SCUBE1: variants seen among roughly 807,000 people sequenced by gnomAD.
The protein encoded by SCUBE1 is signal peptide, CUB and EGF-like domain-containing protein 1.
Under a neutral mutation model 124.4 loss-of-function variants are expected in SCUBE1, and 59 were observed. The observed-to-expected ratio is 0.47, with a 90% confidence interval of 0.38 to 0.59. SCUBE1 has a LOEUF of 0.59. Among genes scored for constraint, SCUBE1 ranks in the 20% least tolerant of loss-of-function variants. SCUBE1 has a pLI of 0.00. For synonymous variants in SCUBE1, 545 were observed against 550.9 expected (o/e 0.99, Z 0.15); for missense variants, 1,150 against 1,371.2 (o/e 0.84, Z 2.55).
chr22:43,307,592 A>G (rs1279518652), intron 3 of SCUBE1, among the ~76,000 whole-genome samples: 1 of 152,196 alleles, frequency 6.6e-6, no homozygotes, highest in Admixed American at 6.5e-5. Context: ...GCTCTGACCC[A>G]GCAGCCCAGC....
chr22:43,287,445 A>G (rs559357130), intron 4 of SCUBE1, among the ~76,000 whole-genome samples: 1 of 152,334 alleles, frequency 6.6e-6, no homozygotes, highest in African/African-American at 2.4e-5. Flanking sequence ...GGAGAGCTGG[A>G]GCTGAGAACC....
rs1001482412 is a variant in SCUBE1, at chr22:43,253,434, G to A, written c.727+4785C>T. ...CTTTGCTTCGTGTTGGAGGAAACCA[G>A]AGGAGGAGAAGTCTCTTCTGTCTGG... On this transcript the variant is annotated intron_variant, in intron 6 of 21. Coordinates refer to ENST00000360835, the MANE Select transcript of SCUBE1 (RefSeq NM_173050.5). Among the ~76,000 whole-genome samples, 4 of 152,160 alleles carry A rather than the reference G, an allele frequency of 2.6e-5. No individual in the cohort carries two copies. The East Asian group carries it at 5.8e-4, about 22-fold the overall frequency.
At chr22:43,249,457 A>G (rs1235968299) in intron 6 of SCUBE1, among the ~76,000 whole-genome samples, 1 of 152,150 alleles carries the variant, frequency 6.6e-6, no homozygotes, top group Non-Finnish European at 1.5e-5. Context: ...TGTGGGACAC[A>G]GTGTGTGCCC....
intron 16 of SCUBE1, chr22:43,212,823 C>T (rs1466410637): frequency 3.6e-6 from 2 of 557,300 alleles, no homozygotes; most frequent in Admixed American, 3.5e-5. Context: ...AAGCCTGGCT[C>T]TCCTTCTCCC....
chr22:43,264,339 C>A (rs1285958933), intron 4 of SCUBE1, among the ~76,000 whole-genome samples: 1 of 152,202 alleles, frequency 6.6e-6, no homozygotes, highest in Non-Finnish European at 1.5e-5. Context: ...CAAATTAAAT[C>A]CAGTTACAGA....
chr22:43,206,811 G>A (rs1399543809), intron 21 of SCUBE1, among the ~76,000 whole-genome samples: 1 of 152,142 alleles, frequency 6.6e-6, no homozygotes, highest in Non-Finnish European at 1.5e-5. Context: ...GAGATTGCGG[G>A]GAGAGAGCCC....
At chr22:43,307,025 C>T (rs1328282871) in intron 3 of SCUBE1, among the ~76,000 whole-genome samples, 2 of 152,242 alleles carry the variant, frequency 1.3e-5, no homozygotes, top group South Asian at 2.1e-4. Flanking sequence ...CAACATTCTA[C>T]CCCGTTACCC....
intron 2 of SCUBE1, among the ~76,000 whole-genome samples, chr22:43,325,538 C>T (rs1309808929): frequency 3.4e-5 from 5 of 147,510 alleles, no homozygotes; most frequent in Non-Finnish European, 6.0e-5. Context: ...TATTACTTTT[C>T]TTTCCAAGAT....
intron 10 of SCUBE1, among the ~76,000 whole-genome samples, chr22:43,226,970 C>T (rs1052189926): frequency 6.6e-6 from 1 of 152,150 alleles, no homozygotes; most frequent in Non-Finnish European, 1.5e-5. Context: ...TCCTCCTCCC[C>T]CTCAGCCTCC....
At chr22:43,251,926 A>G (rs1923465843) in intron 6 of SCUBE1, among the ~76,000 whole-genome samples, 1 of 152,174 alleles carries the variant, frequency 6.6e-6, no homozygotes, top group Admixed American at 6.5e-5. Flanking sequence ...CAGCCTTGCC[A>G]CAAGCAGGGT....
Position 43,218,264 on chromosome 22 carries a change from T to C in SCUBE1, c.1882A>G (p.Ser628Gly), listed in dbSNP as rs376330838. Residue 628 changes from serine (S) to glycine (G), a missense_variant, in exon 15 of 22, where the codon AGC becomes GGC. By Grantham distance (56) the Ser-to-Gly change is moderately conservative (BLOSUM62 0). This residue lies in a region of SCUBE1 where 757 missense variants were observed against 840.9 expected (regional missense o/e 0.90). Coordinates refer to ENST00000360835, the MANE Select transcript of SCUBE1 (RefSeq NM_173050.5). ...ACGAGQVLQDSKCVACGPGTH... is the reference protein window; with the variant it reads ...ACGAGQVLQDGKCVACGPGTH... ...ATGGGCAAGGACTCACCGCATTTGCTGTCCTGTAGCACCTGGCCTGCGCCA... is the reference window on the plus strand; with the variant it reads ...ATGGGCAAGGACTCACCGCATTTGCCGTCCTGTAGCACCTGGCCTGCGCCA... The C allele has an allele frequency of 4.3e-6, 7 of 1,613,116 alleles. No homozygotes were observed. Among genetic ancestry groups the C allele is most frequent in the Admixed American group, 1.7e-5 (1 of 60,034 alleles).
chr22:43,253,378 CA>C (rs1923532151), intron 6 of SCUBE1, among the ~76,000 whole-genome samples: 1 of 152,164 alleles, frequency 6.6e-6, no homozygotes, highest in African/African-American at 2.4e-5. Context: ...GTTCCTAGTT[CA>C]GGGGGTGAGG....
chr22:43,205,658 CACACCACACA>C, intron 21 of SCUBE1, among the ~76,000 whole-genome samples: 1 of 139,240 alleles, frequency 7.2e-6, no homozygotes, highest in African/African-American at 3.0e-5. Context: ...CACCCCCACA[CACACCACACA>C]CCCACTCACC....
intron 3 of SCUBE1, among the ~76,000 whole-genome samples, chr22:43,308,711 C>T (rs1380219345): frequency 1.3e-5 from 2 of 152,208 alleles, no homozygotes; most frequent in East Asian, 1.9e-4. Flanking sequence ...ACTTCCTCCC[C>T]CAGGGTGCAG....
rs1265002613 is a variant in SCUBE1 at position 43,198,117 on chromosome 22, A to G, written c.*5880T>C. The G allele has an allele frequency of 5.4e-6, 1 of 183,728 alleles. No homozygotes were observed. Among genetic ancestry groups the G allele is most frequent in the Non-Finnish European group, 1.1e-5 (1 of 87,444 alleles). The allele number at this position is 183,728 out of a possible 1,614,324, so 11.4% of individuals were successfully genotyped here. The stretch of plus-strand genomic sequence containing the variant: ...TTTCCACATCTGAAGAATGGTCTTA[A>G]CCCCACCATCTACATGGGGCTGGGG... On this transcript the variant is annotated 3_prime_UTR_variant, in exon 22 of 22. Coordinates refer to ENST00000360835, the MANE Select transcript of SCUBE1 (RefSeq NM_173050.5).
chr22:43,197,349 A>C lies in SCUBE1; in HGVS notation c.*6648T>G, dbSNP rs1316072303. On this transcript the variant is annotated 3_prime_UTR_variant, in exon 22 of 22. Coordinates refer to ENST00000360835, the MANE Select transcript of SCUBE1 (RefSeq NM_173050.5). ...GTTTCATTACATGCATATGGGGGAC[A>C]TGATGGATAAAACAAAACTGAATAT... 6.6e-6 allele frequency: 1 copy of C among 152,254 alleles called. No homozygotes were observed. Among genetic ancestry groups the C allele is most frequent in the African/African-American group, 2.4e-5 (1 of 41,470 alleles). The allele number at this position is 152,254 out of a possible 1,614,324, so 9.4% of individuals were successfully genotyped here.
intron 11 of SCUBE1, 55 bp downstream of exon 11, chr22:43,223,042 C>T (rs1922160229): frequency 6.7e-7 from 1 of 1,495,900 alleles, no homozygotes; most frequent in Non-Finnish European, 8.9e-7. Flanking sequence ...GGTGGGACCC[C>T]AGGGAGGAAG....
intron 6 of SCUBE1, among the ~76,000 whole-genome samples, chr22:43,245,380 G>T (rs1036488116): frequency 2.0e-5 from 3 of 152,252 alleles, no homozygotes; most frequent in African/African-American, 7.2e-5. Flanking sequence ...TGTCTGCTGG[G>T]GGGGTGCCGG....
At chr22:43,265,842 G>A (rs1924042213) in intron 4 of SCUBE1, among the ~76,000 whole-genome samples, 1 of 152,232 alleles carries the variant, frequency 6.6e-6, no homozygotes, top group African/African-American at 2.4e-5. Flanking sequence ...GCTCACGCCT[G>A]TAATCCCAGC....
Sources: allele counts gnomAD v4.1 joint callset (sites outside exome capture counted in the v4.1 genomes callset), GRCh38; gene constraint gnomAD v4.1.1; regional missense constraint gnomAD v4.1.1; transcripts MANE v1.5; gene names NCBI Gene and HGNC (gene_info 2026-07-23, HGNC 2026-07-21).